CSMD1: variants seen among roughly 807,000 people sequenced by gnomAD.
CSMD1 encodes CUB and Sushi multiple domains 1, also known as CUB and sushi domain-containing protein 1.
In CSMD1, 213 loss-of-function variants were observed where a neutral mutation model predicts 417.5. The ratio of observed to expected loss-of-function variants is 0.51; its 90% confidence interval spans 0.46 to 0.57. CSMD1 has a LOEUF of 0.57. CSMD1 is among the 20% of genes least tolerant of loss of function. The pLI is 0.00. For missense variants in CSMD1, 6,923 were observed against 4,529.7 expected, an observed-to-expected ratio of 1.53 and a Z score of -15.17; for synonymous variants, 2,862 against 1,736.8, an observed-to-expected ratio of 1.65 and a Z score of -16.11.
At chr8:4,628,549 C>G (rs930707019) in intron 2 of CSMD1, among the ~76,000 whole-genome samples, 3 of 151,352 alleles carry the variant, frequency 2.0e-5, no homozygotes, top group African/African-American at 7.3e-5. Context: ...TAAGCATAAA[C>G]ACAGATGTAA....
chr8:4,200,527 A>T (rs1008590935), intron 3 of CSMD1, among the ~76,000 whole-genome samples: 1 of 152,208 alleles, frequency 6.6e-6, no homozygotes, highest in African/African-American at 2.4e-5. Context: ...TTAGAAATGT[A>T]TATTAATATA....
chr8:3,902,144 C>A (rs1399931212), intron 5 of CSMD1, among the ~76,000 whole-genome samples: 2 of 152,168 alleles, frequency 1.3e-5, no homozygotes, highest in African/African-American at 4.8e-5. Flanking sequence ...ACACAACAAT[C>A]TTCAAGCACT....
At chr8:3,586,911 T>C (rs746443799) in intron 8 of CSMD1, among the ~76,000 whole-genome samples, 2 of 152,180 alleles carry the variant, frequency 1.3e-5, no homozygotes, top group African/African-American at 4.8e-5. Flanking sequence ...GCTATTCTCC[T>C]GCCTCAGCCT....
intron 12 of CSMD1, among the ~76,000 whole-genome samples, chr8:3,430,378 T>C (rs1484746460): frequency 6.6e-6 from 1 of 152,122 alleles, no homozygotes; most frequent in South Asian, 2.1e-4. Flanking sequence ...ACCATGAGAG[T>C]GGAAGCTGTA....
chr8:4,043,404 G>A (rs577657399), intron 3 of CSMD1, among the ~76,000 whole-genome samples: 8 of 152,138 alleles, frequency 5.3e-5, no homozygotes, highest in Non-Finnish European at 1.0e-4. Flanking sequence ...CATAGGAAGC[G>A]TAAATGACAT....
At chr8:4,193,448 G>T (rs966442838) in intron 3 of CSMD1, among the ~76,000 whole-genome samples, 1 of 151,800 alleles carries the variant, frequency 6.6e-6, no homozygotes, top group Non-Finnish European at 1.5e-5. Context: ...ACCCATGCCA[G>T]GTCATGTTTT....
chr8:4,119,442 T>C (rs1322041543), intron 3 of CSMD1, among the ~76,000 whole-genome samples: 2 of 152,202 alleles, frequency 1.3e-5, no homozygotes, highest in Admixed American at 1.3e-4. Flanking sequence ...TGATGTGTCA[T>C]GGACTGAATA....
At chr8:3,917,767 CA>C (rs1808927118) in intron 5 of CSMD1, among the ~76,000 whole-genome samples, 1 of 152,082 alleles carries the variant, frequency 6.6e-6, no homozygotes, top group Admixed American at 6.6e-5. Context: ...TACCACCTGC[CA>C]AAGATTCCCC....
intron 3 of CSMD1, among the ~76,000 whole-genome samples, chr8:4,181,807 C>T (rs760536284): frequency 1.3e-5 from 2 of 152,160 alleles, no homozygotes; most frequent in Non-Finnish European, 2.9e-5. Context: ...ATTGACTATG[C>T]AGCAAATGCA....
chr8:3,236,357 T>C lies in CSMD1; in HGVS notation c.4154-6126A>G, dbSNP rs542781979. On this transcript the variant is annotated intron_variant, in intron 26 of 69. Transcript: ENST00000635120. ...AGTTTAAACAAACCCCCAAACACTT[T>C]GTATTTAGAATTATGAAATAAAGAT... Among the ~76,000 whole-genome samples the C allele has an allele frequency of 3.6e-4, 55 of 152,250 alleles. 1 individual carries two copies. Among genetic ancestry groups the C allele is most frequent in the Admixed American group, 2.6e-3 (40 of 15,284 alleles).
At chr8:3,794,337 G>C (rs954331029) in intron 5 of CSMD1, among the ~76,000 whole-genome samples, 21 of 152,130 alleles carry the variant, frequency 1.4e-4, no homozygotes, top group African/African-American at 4.8e-4. Flanking sequence ...TTTAAGCTGA[G>C]TAAACATATG....
chr8:4,151,808 G>C (rs1432257860), intron 3 of CSMD1, among the ~76,000 whole-genome samples: 1 of 152,130 alleles, frequency 6.6e-6, no homozygotes, highest in Non-Finnish European at 1.5e-5. Context: ...AAAAATAATT[G>C]TTCGAAGTTT....
At chr8:4,857,777 T>A (rs911839006) in intron 1 of CSMD1, among the ~76,000 whole-genome samples, 2 of 151,822 alleles carry the variant, frequency 1.3e-5, no homozygotes, top group Non-Finnish European at 2.9e-5. Flanking sequence ...AATCAATAGC[T>A]TACCAACCAA....
At chr8:4,044,102 T>G (rs897605280) in intron 3 of CSMD1, among the ~76,000 whole-genome samples, 1 of 152,150 alleles carries the variant, frequency 6.6e-6, no homozygotes, top group African/African-American at 2.4e-5. Flanking sequence ...GTGATATTAT[T>G]TGATATGATA....
At chr8:3,639,749 T>A (rs4400405) in intron 7 of CSMD1, among the ~76,000 whole-genome samples, 72,379 of 151,956 alleles carry the variant, frequency 0.48, 17,399 homozygotes, top group Middle Eastern at 0.63. Context: ...ATTTATTCAC[T>A]AATATATACA....
intron 5 of CSMD1, among the ~76,000 whole-genome samples, chr8:3,984,101 A>G (rs1331593183): frequency 1.4e-5 from 2 of 144,380 alleles, no homozygotes; most frequent in East Asian, 2.1e-4. Context: ...AGGGCTGTCA[A>G]TAGCAACTCT....
At chr8:3,234,921 C>A (rs1375784671) in intron 26 of CSMD1, among the ~76,000 whole-genome samples, 1 of 152,198 alleles carries the variant, frequency 6.6e-6, no homozygotes, top group Non-Finnish European at 1.5e-5. Context: ...TGAGATTTCT[C>A]TGGTTTTCAG....
chr8:3,631,778 A>C (rs2117257042), intron 7 of CSMD1, among the ~76,000 whole-genome samples: 1 of 152,356 alleles, frequency 6.6e-6, no homozygotes, highest in South Asian at 2.1e-4. Flanking sequence ...TTTATCTTGA[A>C]GTAAACTGGG....
chr8:3,649,913 T>A (rs529917624), intron 7 of CSMD1, among the ~76,000 whole-genome samples: 1 of 152,168 alleles, frequency 6.6e-6, no homozygotes, highest in African/African-American at 2.4e-5. Flanking sequence ...GCTTTGTGCA[T>A]GGTATATGTA....
Sources: allele counts gnomAD v4.1 joint callset (sites outside exome capture counted in the v4.1 genomes callset), GRCh38; gene constraint gnomAD v4.1.1; transcripts MANE v1.5; gene names NCBI Gene and HGNC (gene_info 2026-07-23, HGNC 2026-07-21).